Variants in GUCY2F observed in about 807,000 individuals in gnomAD.
GUCY2F encodes retinal guanylyl cyclase 2.
Under a neutral mutation model 73.1 loss-of-function variants are expected in GUCY2F, and 61 were observed. The observed-to-expected ratio is 0.83, with a 90% CI of 0.68 to 1.03. The LOEUF is 1.03. Among genes scored for constraint, GUCY2F ranks in the 50% least tolerant of loss-of-function variants. The pLI, the probability that GUCY2F is intolerant of heterozygous loss-of-function variation, is 0.00. For missense variants in GUCY2F, 912 were observed against 854.3 expected (o/e 1.07, Z -0.84); for synonymous variants, 331 against 307.8 (o/e 1.08, Z -0.79).
At chrX:109,376,686 T>C (rs1370007031) in intron 17 of GUCY2F, among the ~76,000 whole-genome samples, 3 of 111,716 alleles carry the variant, frequency 2.7e-5, no homozygotes, top group African/African-American at 9.8e-5. Flanking sequence ...ACAGGTAGGG[T>C]AAGACTCCAG....
intron 3 of GUCY2F, among the ~76,000 whole-genome samples, chrX:109,458,442 C>A (rs150959009): frequency 9.0e-6 from 1 of 111,364 alleles, no homozygotes; most frequent in Admixed American, 9.6e-5. Context: ...TTTATGTAAA[C>A]GACCTGGTAC....
At chrX:109,452,933 A>C (rs771959290) in intron 4 of GUCY2F, among the ~76,000 whole-genome samples, 8 of 111,678 alleles carry the variant, frequency 7.2e-5, no homozygotes, top group Non-Finnish European at 1.1e-4. Context: ...GGCAGCATAA[A>C]AATTATTAGC....
intron 5 of GUCY2F, among the ~76,000 whole-genome samples, chrX:109,451,715 A>G (rs1354715455): frequency 1.8e-5 from 2 of 111,706 alleles, no homozygotes; most frequent in Non-Finnish European, 3.8e-5. Flanking sequence ...TGCTAGGAGA[A>G]AGGAGAACAA....
At chrX:109,453,119 T>C (rs1464584097) in intron 4 of GUCY2F, among the ~76,000 whole-genome samples, 3 of 111,332 alleles carry the variant, frequency 2.7e-5, no homozygotes, top group Non-Finnish European at 5.7e-5. Flanking sequence ...TAGGACCTGA[T>C]TGGCAGGATT....
chrX:109,406,982 G>A (rs1351720436), intron 9 of GUCY2F, among the ~76,000 whole-genome samples: 8 of 112,070 alleles, frequency 7.1e-5, no homozygotes, highest in Non-Finnish European at 1.1e-4. Context: ...TTGGTACTAC[G>A]AGTGGGGCAT....
chrX:109,435,227 A>G lies in GUCY2F; in HGVS notation c.1702-4831T>C, dbSNP rs1931711518. ...ATAAATTACCTTGGGCAGTATGGCCATTTTCACGATATTGATTCTTCCTAT... is the reference window on the plus strand; with the variant it reads ...ATAAATTACCTTGGGCAGTATGGCCGTTTTCACGATATTGATTCTTCCTAT... On this transcript the variant is annotated intron_variant, in intron 7 of 19. Transcript: ENST00000218006. Among the ~76,000 whole-genome samples the G allele has an allele frequency of 5.4e-5, 6 of 110,573 alleles. No individual in the cohort carries two copies. The South Asian group carries it at 2.3e-3, about 43-fold the overall frequency.
At chrX:109,418,164 G>A (rs1380041299) in intron 8 of GUCY2F, among the ~76,000 whole-genome samples, 1 of 111,382 alleles carries the variant, frequency 9.0e-6, no homozygotes, top group Non-Finnish European at 1.9e-5. Flanking sequence ...CAATATGTAC[G>A]TACTTAATAA....
Position 109,475,376 on chromosome X carries a change from A to G in GUCY2F, c.561T>C (p.His187=). The G allele has an allele frequency of 8.3e-7, 1 of 1,208,633 alleles. No individual in the cohort carries two copies. Among genetic ancestry groups the G allele is most frequent in the Admixed American group, 2.2e-5 (1 of 45,861 alleles). The part of the protein sequence containing the change: ...VTVMKYFQWA[H]AGVISSDEDI... ...CTTCATCTGAGGAAATGACTCCAGCATGAGCCCACTGGAAATATTTCATGA... is the reference window on the plus strand; with the variant it reads ...CTTCATCTGAGGAAATGACTCCAGCGTGAGCCCACTGGAAATATTTCATGA... Residue 187 remains histidine (H), a synonymous_variant, in exon 2 of 20, where the codon CAT becomes CAC. Transcript: ENST00000218006.
chrX:109,380,847 C>G, intron 17 of GUCY2F, among the ~76,000 whole-genome samples: 1 of 112,131 alleles, frequency 8.9e-6, no homozygotes, highest in Non-Finnish European at 1.9e-5. Flanking sequence ...GGGCCTCTGC[C>G]CAGCAATGCA....
intron 15 of GUCY2F, among the ~76,000 whole-genome samples, chrX:109,386,071 G>A (rs1286987545): frequency 2.7e-5 from 3 of 111,279 alleles, no homozygotes; most frequent in African/African-American, 9.8e-5. Flanking sequence ...CAAAGTACTG[G>A]GATTACAGGC....
intron 2 of GUCY2F, among the ~76,000 whole-genome samples, chrX:109,474,915 G>C (rs1932653288): frequency 2.7e-5 from 3 of 112,212 alleles, no homozygotes; most frequent in African/African-American, 9.7e-5. Flanking sequence ...CAGAAAGAAA[G>C]GATGTATGGC....
chrX:109,471,910 C>T (rs762410276), intron 2 of GUCY2F, among the ~76,000 whole-genome samples: 18 of 111,996 alleles, frequency 1.6e-4, no homozygotes, highest in Admixed American at 6.6e-4. Context: ...GCTGTTTACA[C>T]GTAAAGTAAT....
At chrX:109,472,978 T>C (rs1468866536) in intron 2 of GUCY2F, among the ~76,000 whole-genome samples, 1 of 111,076 alleles carries the variant, frequency 9.0e-6, no homozygotes, top group Non-Finnish European at 1.9e-5. Context: ...TATTACACAC[T>C]CCTTTGAACA....
At chrX:109,414,530 T>A (rs1254415430) in intron 8 of GUCY2F, among the ~76,000 whole-genome samples, 1 of 111,884 alleles carries the variant, frequency 8.9e-6, no homozygotes, top group Non-Finnish European at 1.9e-5. Flanking sequence ...ACCTATTATT[T>A]GCCAGTCCCT....
chrX:109,416,462 T>C (rs1230228973), intron 8 of GUCY2F, among the ~76,000 whole-genome samples: 3 of 107,598 alleles, frequency 2.8e-5, no homozygotes, highest in Non-Finnish European at 5.8e-5. Context: ...AGTAATGAAC[T>C]TGAGGAGAGA....
In GUCY2F at chrX:109,409,339, T is replaced by C. The variant is rs149610392; in HGVS notation, c.1792-171A>G. ...CTAGTGTTACTCCTGTGATTGTGTTTTGTTATACAACAAAAAGGAGATTAT... is the reference window on the plus strand; with the variant it reads ...CTAGTGTTACTCCTGTGATTGTGTTCTGTTATACAACAAAAAGGAGATTAT... On this transcript the variant is annotated intron_variant, in intron 8 of 19. Transcript: ENST00000218006. Among the ~76,000 whole-genome samples the C allele has an allele frequency of 1.9e-4, 21 of 111,696 alleles. No individual in the cohort carries two copies. The South Asian group carries it at 2.7e-3, about 14-fold the overall frequency.
In GUCY2F at chrX:109,460,565, G is replaced by A. The variant is rs146837242; in HGVS notation, c.1032+4577C>T. Among the ~76,000 whole-genome samples, 12 of 111,072 alleles carry A rather than the reference G, an allele frequency of 1.1e-4. No individual in the cohort carries two copies. In the East Asian group the frequency reaches 2.2e-3, roughly 21 times the overall value. On this transcript the variant is annotated intron_variant, in intron 3 of 19. Coordinates refer to ENST00000218006, the MANE Select transcript of GUCY2F (RefSeq NM_001522.3). ...AGTGAAGATGAAATAATGACTTTTC[G>A]GACATGCAAAATCTCAAAAATTTAC...
intron 19 of GUCY2F, among the ~76,000 whole-genome samples, chrX:109,375,122 T>C (rs1400753004): frequency 9.3e-6 from 1 of 107,988 alleles, no homozygotes; most frequent in Non-Finnish European, 1.9e-5. Flanking sequence ...GGGAGCAAAG[T>C]GTTTCAGGGC....
At chrX:109,433,426 T>C (rs1931660475) in intron 7 of GUCY2F, among the ~76,000 whole-genome samples, 1 of 112,256 alleles carries the variant, frequency 8.9e-6, no homozygotes, top group African/African-American at 3.2e-5. Context: ...AGCCGCAAAT[T>C]GACCCAAGGT....
Sources: allele counts gnomAD v4.1 joint callset (sites outside exome capture counted in the v4.1 genomes callset), GRCh38; gene constraint gnomAD v4.1.1; transcripts MANE v1.5; gene names NCBI Gene and HGNC (gene_info 2026-07-23, HGNC 2026-07-21).